Variants in CNTNAP4 observed in about 807,000 individuals in gnomAD.
The protein encoded by CNTNAP4 is contactin-associated protein-like 4.
In CNTNAP4, 98 loss-of-function variants were observed where a neutral mutation model predicts 148.4. That is an observed-to-expected ratio of 0.66 (90% CI 0.56 to 0.78). CNTNAP4 has a LOEUF of 0.78. CNTNAP4 is among the 30% of genes least tolerant of loss of function. The pLI is 0.00. For synonymous variants in CNTNAP4, 730 were observed against 565.1 expected, an observed-to-expected ratio of 1.29 and a Z score of -4.14; for missense variants, 1,935 against 1,565.6, an observed-to-expected ratio of 1.24 and a Z score of -3.98.
intron 23 of CNTNAP4, among the ~76,000 whole-genome samples, chr16:76,554,187 A>G (rs2085091554): frequency 1.3e-5 from 2 of 152,224 alleles, no homozygotes; most frequent in South Asian, 4.1e-4. Flanking sequence ...GAATATTATC[A>G]AGCTTGAACA....
chr16:76,438,410 G>A (rs900382727), intron 4 of CNTNAP4, among the ~76,000 whole-genome samples: 29 of 152,084 alleles, frequency 1.9e-4, no homozygotes, highest in Non-Finnish European at 1.5e-4. Flanking sequence ...AAACACCTTG[G>A]AGTTTTACTG....
At chr16:76,390,143 T>G (rs2016851600) in intron 3 of CNTNAP4, among the ~76,000 whole-genome samples, 1 of 152,168 alleles carries the variant, frequency 6.6e-6, no homozygotes, top group Admixed American at 6.5e-5. Context: ...GGATGAGGAC[T>G]TAGCCTTCCT....
intron 4 of CNTNAP4, among the ~76,000 whole-genome samples, chr16:76,435,582 C>T (rs909942881): frequency 8.5e-5 from 13 of 152,132 alleles, no homozygotes; most frequent in Non-Finnish European, 5.9e-5. Flanking sequence ...ATGCTGCCCT[C>T]ACAAATCTGT....
chr16:76,278,368 A>G (rs1160102618), intron 1 of CNTNAP4, among the ~76,000 whole-genome samples: 6 of 152,240 alleles, frequency 3.9e-5, no homozygotes, highest in African/African-American at 7.2e-5. Flanking sequence ...CATTTCGCTT[A>G]AAGGAAAACC....
intron 15 of CNTNAP4, among the ~76,000 whole-genome samples, chr16:76,501,803 G>C (rs866223904): frequency 1.2e-4 from 19 of 152,202 alleles, no homozygotes; most frequent in African/African-American, 4.6e-4. Context: ...GGGCGCGGTG[G>C]CTCACGCCTG....
rs376290571 is a variant in CNTNAP4, at chr16:76,538,189, C to G, written c.3069C>G (p.Asn1023Lys). Residue 1023 changes from asparagine to lysine, a missense_variant, in exon 19 of 24, where the codon AAC (asparagine) becomes AAG (lysine). Asn to Lys is a moderately conservative substitution (Grantham distance 94). Coordinates refer to ENST00000611870, the MANE Select transcript of CNTNAP4 (RefSeq NM_033401.5). ...AAGAAAATTATCTTTTAAGTAAAAA[C>G]TCCAGCTCCCACGCTGCTTCATTTC... Reference protein sequence around the residue: ...NFQENYLLSKNSSSHAASFHG... With the variant: ...NFQENYLLSKKSSSHAASFHG... The G allele has an allele frequency of 2.5e-6, 4 of 1,604,662 alleles. No homozygotes were observed. Among genetic ancestry groups the G allele is most frequent in the African/African-American group, 2.7e-5 (2 of 74,602 alleles).
At chr16:76,449,037 C>A in intron 6 of CNTNAP4, 86 bp downstream of exon 6, 1 of 1,249,994 alleles carries the variant, frequency 8.0e-7, no homozygotes, top group Non-Finnish European at 1.1e-6. Context: ...ATAAAGAGCC[C>A]ACCTTTTCAG....
intron 3 of CNTNAP4, among the ~76,000 whole-genome samples, chr16:76,368,744 C>CT (rs1219129032): frequency 2.6e-5 from 4 of 152,112 alleles, no homozygotes; most frequent in Non-Finnish European, 5.9e-5. Context: ...ATGGGTGCAG[C>CT]AAACCACCAT....
At chr16:76,316,044 C>T in intron 1 of CNTNAP4, 1 of 322,078 alleles carries the variant, frequency 3.1e-6, no homozygotes, top group Non-Finnish European at 5.5e-6. Flanking sequence ...CAAGTACTTT[C>T]TCCATTTTGT....
intron 3 of CNTNAP4, among the ~76,000 whole-genome samples, chr16:76,402,916 G>C (rs980615235): frequency 1.3e-5 from 2 of 152,186 alleles, no homozygotes; most frequent in Non-Finnish European, 2.9e-5. Context: ...TTTTGTATAA[G>C]TTAGGTTCTT....
intron 1 of CNTNAP4, among the ~76,000 whole-genome samples, chr16:76,286,307 A>C (rs2143785191): frequency 6.6e-6 from 1 of 151,718 alleles, no homozygotes; most frequent in East Asian, 1.9e-4. Flanking sequence ...TTTTGAATTA[A>C]ATAGTGATGG....
chr16:76,452,240 C>CAAAT (rs2143243492), intron 7 of CNTNAP4, among the ~76,000 whole-genome samples: 1 of 152,160 alleles, frequency 6.6e-6, no homozygotes, highest in Non-Finnish European at 1.5e-5. Flanking sequence ...TGACCAAGAC[C>CAAAT]AAATGTTTTA....
chr16:76,495,022 T>C lies in CNTNAP4; in HGVS notation c.2193T>C (p.Ile731=). The change falls in exon 14 of 24, where the codon ATT becomes ATC. Residue 731 remains isoleucine, a synonymous_variant. Coordinates refer to ENST00000611870, the MANE Select transcript of CNTNAP4 (RefSeq NM_033401.5). The part of the protein sequence containing the change: ...KCTCGLEGNC[I]DSQYYCNCDA... ...CTTGTGGATTAGAGGGAAACTGCATTGATTCTCAGTATTACTGCAATTGTG... is the reference window on the plus strand; with the variant it reads ...CTTGTGGATTAGAGGGAAACTGCATCGATTCTCAGTATTACTGCAATTGTG... 2 of 1,613,596 alleles carry C rather than the reference T, an allele frequency of 1.2e-6. No homozygotes were observed. Among genetic ancestry groups the C allele is most frequent in the Non-Finnish European group, 1.7e-6 (2 of 1,179,574 alleles).
chr16:76,408,568 G>A (rs1301183808), intron 3 of CNTNAP4, among the ~76,000 whole-genome samples: 1 of 151,844 alleles, frequency 6.6e-6, no homozygotes, highest in South Asian at 2.1e-4. Context: ...TTATTTTGAA[G>A]CAAATTTAAA....
intron 3 of CNTNAP4, among the ~76,000 whole-genome samples, chr16:76,417,646 A>C (rs944797226): frequency 2.0e-5 from 3 of 151,632 alleles, no homozygotes; most frequent in Non-Finnish European, 4.4e-5. Context: ...ATTAACTAAG[A>C]ATAAGAAAAA....
At position 76,448,068 on chromosome 16, in the gene CNTNAP4, A is replaced by C; in HGVS notation, c.595A>C (p.Lys199Gln). Residue 199 changes from lysine to glutamine, a missense_variant, in exon 5 of 24, where the codon AAA (lysine) becomes CAA (glutamine). Lys to Gln is a moderately conservative substitution (Grantham distance 53). Transcript: ENST00000611870. Reference sequence around the variant, plus strand: ...TTCCCTTCTCTACAGATTTGATCAAAAATCCCTGAGCCCAATAAAAGACAT... The same window carrying C: ...TTCCCTTCTCTACAGATTTGATCAACAATCCCTGAGCCCAATAAAAGACAT... ...KSSLLYRFDQ[K>Q]SLSPIKDIIS... The C allele has an allele frequency of 6.2e-7, 1 of 1,613,832 alleles. No individual in the cohort carries two copies.
rs8047942 is a variant in CNTNAP4, at chr16:76,426,719, G to A, written c.391-733G>A. ...TTGCAATGGTTGCAAACACTGGAGGGATTTTTTTTTCTTTCCTTTCTGACC... is the reference window on the plus strand; with the variant it reads ...TTGCAATGGTTGCAAACACTGGAGGAATTTTTTTTTCTTTCCTTTCTGACC... On this transcript the variant is annotated intron_variant, in intron 3 of 23. Transcript: ENST00000611870. Among the ~76,000 whole-genome samples the A allele has an allele frequency of 7.0e-3, 1,058 of 152,212 alleles. 9 individuals carry two copies. Among genetic ancestry groups the A allele is most frequent in the African/African-American group, 0.024 (999 of 41,526 alleles).
intron 3 of CNTNAP4, among the ~76,000 whole-genome samples, chr16:76,407,306 C>T (rs1442457983): frequency 6.6e-6 from 1 of 152,060 alleles, no homozygotes; most frequent in East Asian, 1.9e-4. Context: ...AGGCAAGAGC[C>T]ACTGTGTCTA....
intron 4 of CNTNAP4, among the ~76,000 whole-genome samples, chr16:76,437,155 C>T (rs1054214883): frequency 6.6e-6 from 1 of 151,956 alleles, no homozygotes; most frequent in East Asian, 1.9e-4. Flanking sequence ...AAGATGTAGG[C>T]GGGGAGGCTA....
Sources: allele counts gnomAD v4.1 joint callset (sites outside exome capture counted in the v4.1 genomes callset), GRCh38; gene constraint gnomAD v4.1.1; transcripts MANE v1.5; gene names NCBI Gene and HGNC (gene_info 2026-07-23, HGNC 2026-07-21).